BCAR3: variants seen among roughly 807,000 people sequenced by gnomAD.
BCAR3 encodes the protein breast cancer anti-estrogen resistance protein 3.
In BCAR3, 37 loss-of-function variants were observed where a neutral mutation model predicts 80.1. That is an observed-to-expected ratio of 0.46 (90% CI 0.36 to 0.61). BCAR3 has a LOEUF of 0.61. Among genes scored for constraint, BCAR3 ranks in the 20% least tolerant of loss-of-function variants. The probability of loss-of-function intolerance (pLI) is 0.00; values close to 1 mark genes in which losing one functional copy is unlikely to be tolerated. For missense variants in BCAR3, 978 were observed against 1,068.2 expected (o/e 0.92, Z 1.18); for synonymous variants, 389 against 418.9 (o/e 0.93, Z 0.87).
At chr1:93,652,862 C>T (rs918369006) in intron 2 of BCAR3, among the ~76,000 whole-genome samples, 1 of 152,228 alleles carries the variant, frequency 6.6e-6, no homozygotes, top group Non-Finnish European at 1.5e-5. Flanking sequence ...AATAACATCA[C>T]TGTGTCTACT....
At chr1:93,806,458 G>A (rs2100796691) in intron 2 of BCAR3, among the ~76,000 whole-genome samples, 1 of 152,346 alleles carries the variant, frequency 6.6e-6, no homozygotes, top group South Asian at 2.1e-4. Flanking sequence ...TGTAGATAAA[G>A]TTTCTTAGGT....
intron 3 of BCAR3, among the ~76,000 whole-genome samples, chr1:93,698,661 T>G (rs767412605): frequency 7.9e-5 from 12 of 152,172 alleles, no homozygotes; most frequent in Non-Finnish European, 1.3e-4. Context: ...TGGAGGATAC[T>G]TGATAAAGAG....
chr1:93,821,700 A>C (rs955115939), intron 2 of BCAR3, among the ~76,000 whole-genome samples: 3 of 152,174 alleles, frequency 2.0e-5, no homozygotes, highest in African/African-American at 4.8e-5. Context: ...TTTACTGAGC[A>C]CTACACATAT....
intron 3 of BCAR3, among the ~76,000 whole-genome samples, chr1:93,606,403 GAA>G (rs1674773466): frequency 6.6e-6 from 1 of 152,200 alleles, no homozygotes; most frequent in Admixed American, 6.5e-5. Flanking sequence ...GGGACAGAAA[GAA>G]AGAGACAGGT....
chr1:93,583,062 A>G, intron 6 of BCAR3, 109 bp from the exon 7 acceptor site: 1 of 1,274,870 alleles, frequency 7.8e-7, no homozygotes, highest in East Asian at 2.4e-5. Flanking sequence ...CTTGGGCTTC[A>G]ATTTTCATTT....
At chr1:93,627,216 G>A (rs966107494) in intron 3 of BCAR3, among the ~76,000 whole-genome samples, 2 of 152,130 alleles carry the variant, frequency 1.3e-5, no homozygotes, top group African/African-American at 4.8e-5. Context: ...TGCATAACTC[G>A]TAAACCAATA....
chr1:93,676,444 A>G (rs1237857443), intron 1 of BCAR3, among the ~76,000 whole-genome samples: 2 of 152,172 alleles, frequency 1.3e-5, no homozygotes, highest in Non-Finnish European at 2.9e-5. Flanking sequence ...AAGGTGTACA[A>G]TCTTAACTCT....
At chr1:93,815,289 C>T (rs1284633992) in intron 2 of BCAR3, among the ~76,000 whole-genome samples, 1 of 152,108 alleles carries the variant, frequency 6.6e-6, no homozygotes, top group Admixed American at 6.5e-5. Flanking sequence ...ATTTTGTAGG[C>T]CCCAGGGAGA....
intron 2 of BCAR3, among the ~76,000 whole-genome samples, chr1:93,743,957 G>T (rs1214863106): frequency 6.6e-6 from 1 of 152,198 alleles, no homozygotes; most frequent in African/African-American, 2.4e-5. Context: ...GGGATGTGTA[G>T]TGGGAGGGGA....
At chr1:93,764,956 C>T (rs934103601) in intron 2 of BCAR3, among the ~76,000 whole-genome samples, 3 of 152,158 alleles carry the variant, frequency 2.0e-5, no homozygotes, top group Non-Finnish European at 4.4e-5. Context: ...GTTTGCATCT[C>T]CTGTTCAAGT....
At chr1:93,746,830 A>G (rs924695255) in intron 2 of BCAR3, among the ~76,000 whole-genome samples, 1 of 152,134 alleles carries the variant, frequency 6.6e-6, no homozygotes, top group Non-Finnish European at 1.5e-5. Context: ...GCTCTCCCAC[A>G]GGTGACTGGC....
intron 3 of BCAR3, among the ~76,000 whole-genome samples, chr1:93,611,344 C>T (rs975932387): frequency 4.6e-5 from 7 of 152,294 alleles, no homozygotes; most frequent in Admixed American, 2.6e-4. Flanking sequence ...ACATTCAACA[C>T]CCATTCTACA....
Position 93,582,601 on chromosome 1 carries a change from C to G in BCAR3, c.1386G>C (p.Gln462His). The G allele has an allele frequency of 6.2e-7, 1 of 1,613,786 alleles. No individual in the cohort carries two copies. Among genetic ancestry groups the G allele is most frequent in the East Asian group, 2.2e-5 (1 of 44,816 alleles). The change falls in exon 7 of 12, where the codon CAG becomes CAC. Residue 462 changes from glutamine to histidine, a missense_variant. Coordinates refer to ENST00000260502, the MANE Select transcript of BCAR3 (RefSeq NM_003567.4). ...GSHTELLTAK[Q>H]NEAPGPRNSG... ...AGTTCCGGGGACCTGGCGCCTCATT[C>G]TGCTTGGCTGTGAGCAGTTCTGTGT...
chr1:93,743,078 T>A (rs926907682), intron 2 of BCAR3, among the ~76,000 whole-genome samples: 1 of 152,230 alleles, frequency 6.6e-6, no homozygotes, highest in Non-Finnish European at 1.5e-5. Flanking sequence ...ATTCTTTATA[T>A]AGGTTAATAA....
At chr1:93,737,691 G>A (rs1455044238) in intron 2 of BCAR3, among the ~76,000 whole-genome samples, 1 of 152,234 alleles carries the variant, frequency 6.6e-6, no homozygotes, top group Non-Finnish European at 1.5e-5. Context: ...AGCCAATACA[G>A]TGGTATCAAG....
rs755954695 is a variant in BCAR3 at position 93,592,431 on chromosome 1, G to A, written c.358-38C>T. 6.5e-7 allele frequency: 1 copy of A among 1,542,562 alleles called. No homozygotes were observed. Among genetic ancestry groups the A allele is most frequent in the South Asian group, 1.2e-5 (1 of 82,344 alleles). On this transcript the variant is annotated intron_variant, in intron 3 of 11. Coordinates refer to ENST00000260502, the MANE Select transcript of BCAR3 (RefSeq NM_003567.4). The surrounding 1 kb of genome is among the most constrained non-coding windows in gnomAD (Gnocchi z 4.8). ...GTCAACCATGAGCTCACCCTGCCCA[G>A]GCCACACCAGGCCATGCCAGCTGGA... is the stretch of plus-strand genomic sequence containing the variant.
chr1:93,614,873 G>A (rs574121955), intron 3 of BCAR3, among the ~76,000 whole-genome samples: 1 of 152,118 alleles, frequency 6.6e-6, no homozygotes, highest in South Asian at 2.1e-4. Context: ...CGCATCCAAC[G>A]CAGCCAAGCA....
At chr1:93,605,836 T>C (rs552116474) in intron 3 of BCAR3, among the ~76,000 whole-genome samples, 37 of 152,272 alleles carry the variant, frequency 2.4e-4, no homozygotes, top group African/African-American at 8.7e-4. Context: ...AAATGCACCG[T>C]AGTTGAAAGA....
intron 7 of BCAR3, among the ~76,000 whole-genome samples, chr1:93,576,480 A>G (rs1470080952): frequency 6.6e-6 from 1 of 152,222 alleles, no homozygotes; most frequent in Non-Finnish European, 1.5e-5. Flanking sequence ...TGCTGCCAAC[A>G]GCAAGGCTGC....
Sources: gnomAD v4.1 joint callset for allele counts (sites outside exome capture counted in the v4.1 genomes callset) on GRCh38, gnomAD v4.1.1 for gene constraint, Gnocchi (gnomAD v3.1) non-coding constraint, MANE v1.5 for transcripts, NCBI Gene and HGNC (gene_info 2026-07-23, HGNC 2026-07-21) for gene names.